MAP4K5: variants seen among roughly 807,000 people sequenced by gnomAD.
The protein encoded by MAP4K5 is mitogen-activated protein kinase kinase kinase kinase 5.
Under a neutral mutation model 135.6 loss-of-function variants are expected in MAP4K5, and 82 were observed. That is an observed-to-expected ratio of 0.60 (90% CI 0.51 to 0.73). The LOEUF (loss-of-function observed/expected upper bound fraction) is 0.73, where lower values mean the gene tolerates loss of function less well. Ranked by LOEUF, MAP4K5 falls within the 30% of genes least tolerant of loss-of-function variation. MAP4K5 has a pLI of 0.00. For missense variants in MAP4K5, 907 were observed against 1,010.9 expected, an observed-to-expected ratio of 0.90 and a Z score of 1.39; for synonymous variants, 347 against 335.0, an observed-to-expected ratio of 1.04 and a Z score of -0.39.
At chr14:50,524,749 G>GT (rs2038225672) in intron 2 of MAP4K5, among the ~76,000 whole-genome samples, 1 of 152,226 alleles carries the variant, frequency 6.6e-6, no homozygotes, top group Non-Finnish European at 1.5e-5. Flanking sequence ...TGAAAGTTCA[G>GT]TATGGATACG....
chr14:50,541,158 A>G (rs998071367), intron 2 of MAP4K5, among the ~76,000 whole-genome samples: 2 of 152,248 alleles, frequency 1.3e-5, no homozygotes, highest in African/African-American at 4.8e-5. Context: ...TTGCTTTCAC[A>G]TGATTGCAAC....
intron 3 of MAP4K5, among the ~76,000 whole-genome samples, chr14:50,498,090 G>C (rs2037631972): frequency 6.6e-6 from 1 of 152,230 alleles, no homozygotes; most frequent in Non-Finnish European, 1.5e-5. Flanking sequence ...AATAGCTACA[G>C]ACTTGTTGGG....
intron 14 of MAP4K5, among the ~76,000 whole-genome samples, chr14:50,450,868 C>T (rs1222007172): frequency 6.6e-6 from 1 of 152,144 alleles, no homozygotes; most frequent in African/African-American, 2.4e-5. Context: ...CATTGTATTA[C>T]ATTGTCCAAG....
chr14:50,496,487 CA>C (rs747708518), intron 3 of MAP4K5, among the ~76,000 whole-genome samples: 20 of 151,946 alleles, frequency 1.3e-4, no homozygotes, highest in Non-Finnish European at 2.1e-4. Flanking sequence ...TATACACACA[CA>C]CATATATTAT....
intron 9 of MAP4K5, among the ~76,000 whole-genome samples, chr14:50,474,844 T>C (rs2037059847): frequency 6.6e-6 from 1 of 152,118 alleles, no homozygotes. Context: ...CTAAGAGCCC[T>C]CTCAATATAA....
chr14:50,431,561 G>A lies in MAP4K5; in HGVS notation c.2165-2301C>T, dbSNP rs143751127. 6.0e-3 allele frequency among the ~76,000 whole-genome samples: 911 copies of A among 152,170 alleles called. 9 individuals are homozygous for A. Among genetic ancestry groups the A allele is most frequent in the African/African-American group, 0.021 (858 of 41,524 alleles). On this transcript the variant is annotated intron_variant, in intron 28 of 32. Coordinates refer to ENST00000682126, the MANE Select transcript of MAP4K5 (RefSeq NM_006575.6). Reference sequence around the variant, plus strand: ...AATGATGATTTCCAATTTCATCCATGTCCCTACAAAGGATATGAACTCATC... The same window carrying A: ...AATGATGATTTCCAATTTCATCCATATCCCTACAAAGGATATGAACTCATC...
At position 50,532,003 on chromosome 14, in the gene MAP4K5, G is replaced by T; in HGVS notation, c.47C>A (p.Pro16Gln). 6.3e-7 allele frequency: 1 copy of T among 1,599,616 alleles called. No homozygotes were observed. The highest frequency in any genetic ancestry group is 8.5e-7 in the Non-Finnish European group (1 of 1,173,198). ...RPAADILRRNPQQDYELVQRV... is the reference protein window; with the variant it reads ...RPAADILRRNQQQDYELVQRV... ...CTGGACGAGTTCGTAGTCCTGCTGCGGGTTCCGCCTCAGGATGTCCGCGGC... is the reference window on the plus strand; with the variant it reads ...CTGGACGAGTTCGTAGTCCTGCTGCTGGTTCCGCCTCAGGATGTCCGCGGC... Residue 16 changes from proline (P) to glutamine (Q), a missense_variant, in exon 2 of 33, where the codon CCG becomes CAG. Physicochemically the swap from Pro to Gln is moderately conservative, Grantham distance 76. This residue lies in a region of MAP4K5 where 196 missense variants were observed against 189.3 expected (regional missense o/e 1.04). Coordinates refer to ENST00000682126, the MANE Select transcript of MAP4K5 (RefSeq NM_006575.6).
At chr14:50,453,081 T>G (rs1315998217) in intron 14 of MAP4K5, among the ~76,000 whole-genome samples, 2 of 146,936 alleles carry the variant, frequency 1.4e-5, no homozygotes, top group African/African-American at 4.9e-5. Context: ...GCAGCCTTAG[T>G]CAGTCTGGAG....
chr14:50,452,787 G>C (rs186889018), intron 14 of MAP4K5, among the ~76,000 whole-genome samples: 1 of 152,302 alleles, frequency 6.6e-6, no homozygotes, highest in East Asian at 1.9e-4. Context: ...ACCTCAAAAA[G>C]AGGTGACAAG....
intron 18 of MAP4K5, 89 bp from the exon 19 acceptor site, chr14:50,444,125 T>C (rs1420712947): frequency 2.3e-6 from 2 of 853,608 alleles, no homozygotes; most frequent in Non-Finnish European, 3.8e-6. Context: ...CTATTTGTCT[T>C]TCACTTGGGT....
chr14:50,492,818 A>G, intron 3 of MAP4K5, among the ~76,000 whole-genome samples: 1 of 152,112 alleles, frequency 6.6e-6, no homozygotes, highest in East Asian at 1.9e-4. Flanking sequence ...TTTATTCCAT[A>G]TTATTGTATC....
In MAP4K5 at chr14:50,464,089, T is replaced by G. The variant is rs754808379; in HGVS notation, c.782A>C (p.Asn261Thr). The G allele has an allele frequency of 3.9e-6, 6 of 1,546,844 alleles. No individual in the cohort carries two copies. Among genetic ancestry groups the G allele is most frequent in the South Asian group, 2.4e-5 (2 of 83,850 alleles). ...TTCAGCAGTTGGTCTTTTTTTTGGG[T>G]TTTTGGTTAGTGCTATTTTGACAAA... ...HNFVKIALTK[N>T]PKKRPTAERL... Residue 261 changes from asparagine to threonine, a missense_variant, in exon 12 of 33, where the codon AAC (asparagine) becomes ACC (threonine). Physicochemically the swap from Asn to Thr is moderately conservative, Grantham distance 65. Around this residue, in one of 3 missense-constraint regions of MAP4K5, gnomAD observed 690 missense variants for 777.4 expected, o/e 0.89. Coordinates refer to ENST00000682126, the MANE Select transcript of MAP4K5 (RefSeq NM_006575.6).
At chr14:50,439,480 CA>C (rs1419094033) in intron 23 of MAP4K5, among the ~76,000 whole-genome samples, 1 of 151,988 alleles carries the variant, frequency 6.6e-6, no homozygotes, top group East Asian at 1.9e-4. Flanking sequence ...GTGTCCAGAA[CA>C]ACATGAATTT....
rs560172440 is a variant in MAP4K5 at position 50,546,025 on chromosome 14, C to T, written c.-179-3441G>A. ...AAACTACTGGTGTTGAAATCAAACT[C>T]ACTGTTTATGGTACTGCTAATTCAA... On this transcript the variant is annotated intron_variant, in intron 1 of 8. Coordinates refer to the MAP4K5 transcript ENST00000555216. 3.9e-5 allele frequency among the ~76,000 whole-genome samples: 6 copies of T among 152,262 alleles called. No homozygotes were observed. In the East Asian group the frequency reaches 1.2e-3, roughly 29 times the overall value.
chr14:50,530,953 C>T (rs1312181332), intron 2 of MAP4K5, among the ~76,000 whole-genome samples: 2 of 152,154 alleles, frequency 1.3e-5, no homozygotes, highest in African/African-American at 4.8e-5. Flanking sequence ...GGTTAATTAC[C>T]CAAATGACAC....
intron 1 of MAP4K5, among the ~76,000 whole-genome samples, chr14:50,554,162 G>T (rs569495000): frequency 2.0e-5 from 3 of 151,718 alleles, no homozygotes; most frequent in African/African-American, 7.3e-5. Flanking sequence ...GGCACTACCT[G>T]TTGTGCCTAT....
At chr14:50,538,726 C>G (rs772700471) in intron 2 of MAP4K5, among the ~76,000 whole-genome samples, 2 of 152,208 alleles carry the variant, frequency 1.3e-5, no homozygotes, top group Non-Finnish European at 2.9e-5. Context: ...CTCTGCAGAG[C>G]AAGGATAATA....
chr14:50,527,323 T>C (rs892584055), intron 2 of MAP4K5, among the ~76,000 whole-genome samples: 3 of 150,678 alleles, frequency 2.0e-5, no homozygotes, highest in Non-Finnish European at 2.9e-5. Context: ...CTGGCGACAC[T>C]GCAAGACTCC....
At chr14:50,528,019 G>A (rs747728999) in intron 2 of MAP4K5, among the ~76,000 whole-genome samples, 21 of 152,066 alleles carry the variant, frequency 1.4e-4, no homozygotes, top group Non-Finnish European at 2.8e-4. Flanking sequence ...AGGTAGTTGA[G>A]AATCTAAATC....
Sources: gnomAD v4.1 joint callset for allele counts (sites outside exome capture counted in the v4.1 genomes callset) on GRCh38, gnomAD v4.1.1 for gene constraint, gnomAD v4.1.1 regional missense constraint, MANE v1.5 for transcripts, NCBI Gene and HGNC (gene_info 2026-07-23, HGNC 2026-07-21) for gene names.